Variants in PDE10A observed in about 807,000 individuals in gnomAD.
PDE10A encodes the protein phosphodiesterase 10A.
In PDE10A, 39 loss-of-function variants were observed where a neutral mutation model predicts 97.7. The observed-to-expected ratio is 0.40, with a 90% CI of 0.31 to 0.52. The LOEUF is 0.52. PDE10A is among the 20% of genes least tolerant of loss of function. The pLI is 0.56. For missense variants in PDE10A, 731 were observed against 1,047.8 expected, an observed-to-expected ratio of 0.70 and a Z score of 4.17; for synonymous variants, 371 against 376.8, an observed-to-expected ratio of 0.98 and a Z score of 0.18.
chr6:165,758,479 A>AAGAAAGG (rs984316813), intron 1 of PDE10A, among the ~76,000 whole-genome samples: 4 of 118,174 alleles, frequency 3.4e-5, no homozygotes, highest in South Asian at 3.2e-4. Flanking sequence ...AAGAAGAAAG[A>AAGAAAGG]AGAAAGGAGA....
chr6:165,450,172 T>C, intron 4 of PDE10A, 70 bp downstream of exon 4: 3 of 1,003,604 alleles, frequency 3.0e-6, no homozygotes, highest in Non-Finnish European at 4.3e-6. Context: ...TCTTAGTAAG[T>C]AGTTTTTGCT....
At chr6:165,557,131 T>A (rs1784297265) in intron 1 of PDE10A, among the ~76,000 whole-genome samples, 1 of 150,944 alleles carries the variant, frequency 6.6e-6, no homozygotes, top group Admixed American at 6.6e-5. Flanking sequence ...AGAGCAAAAC[T>A]CCATGTCGAA....
At chr6:165,966,667 G>A (rs1043609751) in intron 1 of PDE10A, among the ~76,000 whole-genome samples, 2 of 152,174 alleles carry the variant, frequency 1.3e-5, no homozygotes, top group African/African-American at 2.4e-5. Flanking sequence ...TTTTTGCAAA[G>A]CCTTGTTCTC....
chr6:165,333,462 G>A (rs993646843), intron 21 of PDE10A, among the ~76,000 whole-genome samples: 10 of 152,132 alleles, frequency 6.6e-5, no homozygotes, highest in African/African-American at 1.4e-4. Context: ...TGAGGAATAC[G>A]CGGGATCGTG....
intron 16 of PDE10A, among the ~76,000 whole-genome samples, chr6:165,391,500 A>G (rs1460718221): frequency 6.6e-6 from 1 of 152,206 alleles, no homozygotes; most frequent in African/African-American, 2.4e-5. Flanking sequence ...CTTAAAAGGA[A>G]CAGAATGGAG....
chr6:165,453,160 A>T (rs1379522418), intron 3 of PDE10A, among the ~76,000 whole-genome samples: 1 of 152,204 alleles, frequency 6.6e-6, no homozygotes, highest in Non-Finnish European at 1.5e-5. Context: ...TGGTGGCAGA[A>T]ATTTCTAAGC....
chr6:165,403,600 G>T (rs34267806), intron 13 of PDE10A, among the ~76,000 whole-genome samples: 1 of 151,884 alleles, frequency 6.6e-6, no homozygotes, highest in Non-Finnish European at 1.5e-5. Flanking sequence ...ATTTAAAATC[G>T]AATTGACAAA....
intron 1 of PDE10A, among the ~76,000 whole-genome samples, chr6:165,544,011 A>T (rs73250022): frequency 0.012 from 1,882 of 152,216 alleles, 44 homozygotes; most frequent in African/African-American, 0.042. Flanking sequence ...AATGCCAAGA[A>T]CCAATGCTGT....
At chr6:165,682,425 T>C (rs1791001619) in intron 1 of PDE10A, among the ~76,000 whole-genome samples, 1 of 152,216 alleles carries the variant, frequency 6.6e-6, no homozygotes, top group South Asian at 2.1e-4. Flanking sequence ...TGAGCCGTTG[T>C]GCCCAGCCCC....
intron 1 of PDE10A, among the ~76,000 whole-genome samples, chr6:165,681,580 C>G (rs545334456): frequency 6.6e-6 from 1 of 152,270 alleles, no homozygotes; most frequent in African/African-American, 2.4e-5. Flanking sequence ...ACCGATGCTG[C>G]CGGTCTAGCA....
chr6:165,431,620 AC>A, intron 7 of PDE10A, 148 bp from the exon 8 acceptor site: 1 of 246,286 alleles, frequency 4.1e-6, no homozygotes, highest in Non-Finnish European at 7.2e-6. Flanking sequence ...ATCATACATA[AC>A]ATATATATAT....
chr6:165,462,498 C>A (rs910498316), intron 3 of PDE10A, among the ~76,000 whole-genome samples: 9 of 152,196 alleles, frequency 5.9e-5, no homozygotes, highest in African/African-American at 2.2e-4. Flanking sequence ...AAATCAACAG[C>A]CGATTTGGAT....
intron 2 of PDE10A, among the ~76,000 whole-genome samples, chr6:165,529,300 G>T (rs530292629): frequency 6.6e-6 from 1 of 152,306 alleles, no homozygotes; most frequent in South Asian, 2.1e-4. Context: ...ATCCGTTAGG[G>T]CATCTCTTAG....
chr6:165,701,673 T>TTGTG (rs34622069), intron 1 of PDE10A, among the ~76,000 whole-genome samples: 6 of 148,958 alleles, frequency 4.0e-5, no homozygotes, highest in East Asian at 4.1e-4. Context: ...GCATGTATGT[T>TTGTG]TGTGTGTGTG....
At chr6:165,885,529 A>G (rs1781606305) in intron 1 of PDE10A, among the ~76,000 whole-genome samples, 1 of 152,226 alleles carries the variant, frequency 6.6e-6, no homozygotes, top group African/African-American at 2.4e-5. Context: ...GAGGCAAACC[A>G]TATCAGTGGG....
intron 1 of PDE10A, among the ~76,000 whole-genome samples, chr6:165,741,454 G>T (rs1383347102): frequency 3.9e-5 from 6 of 152,102 alleles, no homozygotes; most frequent in Admixed American, 2.6e-4. Flanking sequence ...AGTCCGACAA[G>T]TCAAATGTTG....
At chr6:165,498,960 C>G (rs1458184274) in intron 2 of PDE10A, among the ~76,000 whole-genome samples, 2 of 152,160 alleles carry the variant, frequency 1.3e-5, no homozygotes, top group African/African-American at 4.8e-5. Context: ...TTCCACTTAT[C>G]TGACATTAGA....
At chr6:165,953,241 T>C (rs1784023390) in intron 1 of PDE10A, among the ~76,000 whole-genome samples, 1 of 152,222 alleles carries the variant, frequency 6.6e-6, no homozygotes, top group Admixed American at 6.5e-5. Flanking sequence ...TTTTCTAAAA[T>C]AGTAATATTT....
At chr6:165,460,008 C>A (rs1331516348) in intron 3 of PDE10A, among the ~76,000 whole-genome samples, 1 of 152,156 alleles carries the variant, frequency 6.6e-6, no homozygotes, top group African/African-American at 2.4e-5. Flanking sequence ...AAATGGGAAC[C>A]CGATTTTGGG....
Sources: gnomAD v4.1 joint callset for allele counts (sites outside exome capture counted in the v4.1 genomes callset) on GRCh38, gnomAD v4.1.1 for gene constraint, MANE v1.5 for transcripts, NCBI Gene and HGNC (gene_info 2026-07-23, HGNC 2026-07-21) for gene names.